Variants in KNL1 observed in about 807,000 individuals in gnomAD.
KNL1 encodes the protein outer kinetochore KNL1 complex subunit KNL1.
Under a neutral mutation model 201.3 loss-of-function variants are expected in KNL1, and 66 were observed. That is an observed-to-expected ratio of 0.33 (90% CI 0.27 to 0.40). KNL1 has a LOEUF of 0.40. Among genes scored for constraint, KNL1 ranks in the 10% least tolerant of loss-of-function variants. The probability of loss-of-function intolerance (pLI) is 1.00; values close to 1 mark genes in which losing one functional copy is unlikely to be tolerated. For synonymous variants in KNL1, 895 were observed against 899.2 expected, an observed-to-expected ratio of 1.00 and a Z score of 0.08; for missense variants, 2,815 against 2,690.5, an observed-to-expected ratio of 1.05 and a Z score of -1.02.
chr15:40,626,884 C>T (rs766540310), intron 10 of KNL1, among the ~76,000 whole-genome samples: 1 of 150,314 alleles, frequency 6.7e-6, no homozygotes, highest in East Asian at 2.0e-4. Context: ...CCCATAATGG[C>T]GTTTATTTAT....
chr15:40,622,042 T>G lies in KNL1; in HGVS notation c.1778T>G (p.Leu593Arg), dbSNP rs752785344. 4.3e-6 allele frequency: 7 copies of G among 1,613,976 alleles called. No homozygotes were observed. In the Admixed American group the frequency reaches 1.2e-4, roughly 27 times the overall value. The change falls in exon 10 of 26, where the codon CTA (leucine) becomes CGA (arginine). Residue 593 changes from leucine to arginine, a missense_variant. Around this residue, in one of 3 missense-constraint regions of KNL1, gnomAD observed 2,464 missense variants for 2,291.7 expected, o/e 1.08. Coordinates refer to ENST00000399668, the MANE Select transcript of KNL1 (RefSeq NM_144508.5). Reference sequence around the variant, plus strand: ...CAGGTTCCTCTTGCAGCTTATAATCTAGCACCGGAGAGTACCAGTGAATCT... The same window carrying G: ...CAGGTTCCTCTTGCAGCTTATAATCGAGCACCGGAGAGTACCAGTGAATCT... ...GSQVPLAAYN[L>R]APESTSESHS...
Position 40,624,956 on chromosome 15 carries a change from G to C in KNL1, c.4692G>C (p.Leu1564Phe). 1.2e-6 allele frequency: 2 copies of C among 1,613,756 alleles called. No individual in the cohort carries two copies. Among genetic ancestry groups the C allele is most frequent in the Non-Finnish European group, 1.7e-6 (2 of 1,179,938 alleles). ...GTATCAAACCAAATCTGAATAATTT[G>C]AATGGAAAAACTGGAGAGTTTTTAG... ...FHSIKPNLNN[L>F]NGKTGEFLAF... The change falls in exon 10 of 26, where the codon TTG (leucine) becomes TTC (phenylalanine). Residue 1564 changes from leucine (L) to phenylalanine (F), a missense_variant. Transcript: ENST00000399668.
chr15:40,622,994 G>A lies in KNL1; in HGVS notation c.2730G>A (p.Arg910=). The change falls in exon 10 of 26, where the codon AGG becomes AGA. Residue 910 remains arginine, a synonymous_variant. Coordinates refer to ENST00000399668, the MANE Select transcript of KNL1 (RefSeq NM_144508.5). The part of the protein sequence containing the change: ...GTSETILYTC[R]QDDMEITRSH... ...CTGAAACTATTTTATATACATGTAG[G>A]CAGGATGACATGGAGATCACTAGAA... The A allele has an allele frequency of 6.2e-7, 1 of 1,613,920 alleles. No individual in the cohort carries two copies. Among genetic ancestry groups the A allele is most frequent in the Non-Finnish European group, 8.5e-7 (1 of 1,179,844 alleles).
At chr15:40,612,543 C>T (rs1265472612) in intron 7 of KNL1, among the ~76,000 whole-genome samples, 1 of 151,746 alleles carries the variant, frequency 6.6e-6, no homozygotes, top group East Asian at 2.0e-4. Context: ...GTTTAGACGG[C>T]ATCTTCCTCT....
intron 21 of KNL1, among the ~76,000 whole-genome samples, chr15:40,652,455 C>CTTTTTTTTTTTTTTTTTTTTTTTT (rs35374662): frequency 8.3e-6 from 1 of 120,066 alleles, no homozygotes. Context: ...GCTGGAGATT[C>CTTTTTTTTTTTTTTTTTTTTTTTT]TTTTTTTTTT....
At chr15:40,602,998 T>C (rs1464585449) in intron 2 of KNL1, 32 bp downstream of exon 2, 14 of 1,400,616 alleles carry the variant, frequency 1.0e-5, no homozygotes, top group Non-Finnish European at 1.4e-5. Context: ...AAAAATATTA[T>C]ATTCTATCAG....
At chr15:40,638,769 A>G (rs1893132993) in intron 13 of KNL1, among the ~76,000 whole-genome samples, 1 of 151,004 alleles carries the variant, frequency 6.6e-6, no homozygotes, top group Non-Finnish European at 1.5e-5. Context: ...TTGGGATTAC[A>G]GGCGTGAGCC....
chr15:40,624,335 T>C lies in KNL1; in HGVS notation c.4071T>C (p.Pro1357=). 2.5e-6 allele frequency: 4 copies of C among 1,613,956 alleles called. No individual in the cohort carries two copies. The highest frequency in any genetic ancestry group is 3.4e-6 in the Non-Finnish European group (4 of 1,179,868). Residue 1357 remains proline, a synonymous_variant, in exon 10 of 26, where the codon CCT becomes CCC. Coordinates refer to ENST00000399668, the MANE Select transcript of KNL1 (RefSeq NM_144508.5). Reference sequence around the variant, plus strand: ...ATTACTTGGAATCTGAGGGACAGCCTCTCTCTGCTCCTTGTCCTTTGTTAG... The same window carrying C: ...ATTACTTGGAATCTGAGGGACAGCCCCTCTCTGCTCCTTGTCCTTTGTTAG... ...SEYYLESEGQ[P]LSAPCPLLEK... is the part of the protein sequence containing the mutation.
At chr15:40,654,028 C>T (rs1401189781) in intron 21 of KNL1, among the ~76,000 whole-genome samples, 1 of 152,168 alleles carries the variant, frequency 6.6e-6, no homozygotes. Flanking sequence ...TTTATTAGTG[C>T]AGTTGTGTGT....
chr15:40,640,142 G>T (rs1893183925), intron 13 of KNL1, among the ~76,000 whole-genome samples: 1 of 145,936 alleles, frequency 6.9e-6, no homozygotes, highest in African/African-American at 2.6e-5. Flanking sequence ...TGTTGCCCAG[G>T]CTGGAGTGCA....
At chr15:40,606,013 A>T (rs1025810597) in intron 3 of KNL1, among the ~76,000 whole-genome samples, 1 of 152,250 alleles carries the variant, frequency 6.6e-6, no homozygotes, top group African/African-American at 2.4e-5. Context: ...TGAAAACAGA[A>T]AAGACTCAGA....
In KNL1 at chr15:40,623,930, A is replaced by G. The variant is rs1047898827; in HGVS notation, c.3666A>G (p.Lys1222=). Residue 1222 remains lysine, a synonymous_variant, in exon 10 of 26, where the codon AAA becomes AAG. Transcript: ENST00000399668. The stretch of plus-strand genomic sequence containing the variant: ...AACAAGCACTGGCTGTAGGAAACAA[A>G]ATAGTTCTTCACACCGAGCAAAAGC... The part of the protein sequence containing the change: ...AEKQALAVGN[K]IVLHTEQKQQ... 1.9e-6 allele frequency: 3 copies of G among 1,613,438 alleles called. No individual in the cohort carries two copies. The highest frequency in any genetic ancestry group is 2.5e-6 in the Non-Finnish European group (3 of 1,179,932).
chr15:40,647,044 A>G lies in KNL1; in HGVS notation c.6064A>G (p.Ile2022Val). Residue 2022 changes from isoleucine to valine, a missense_variant, in exon 17 of 26, where the codon ATC (isoleucine) becomes GTC (valine). Physicochemically the swap from Ile to Val is conservative, Grantham distance 29 (BLOSUM62 3). This residue lies in a region of KNL1 where 334 missense variants were observed against 362.6 expected (regional missense o/e 0.92). Transcript: ENST00000399668. Reference sequence around the variant, plus strand: ...TGAGATGGATAAAATACTTAAGAAGATCGATAACTGCCTCACTGAGATGGA... The same window carrying G: ...TGAGATGGATAAAATACTTAAGAAGGTCGATAACTGCCTCACTGAGATGGA... ...IDEMDKILKKIDNCLTEMETE... is the reference protein window; with the variant it reads ...IDEMDKILKKVDNCLTEMETE... The G allele has an allele frequency of 6.5e-7, 1 of 1,540,982 alleles. No individual in the cohort carries two copies. The highest frequency in any genetic ancestry group is 9.0e-7 in the Non-Finnish European group (1 of 1,114,392).
At chr15:40,604,969 C>T (rs1891926602) in intron 2 of KNL1, 141 bp from the exon 3 acceptor site, 6 of 574,996 alleles carry the variant, frequency 1.0e-5, no homozygotes, top group Non-Finnish European at 1.6e-5. Context: ...AATTTAAAGT[C>T]TTGTATATAA....
intron 4 of KNL1, among the ~76,000 whole-genome samples, chr15:40,607,219 T>C (rs552869852): frequency 6.6e-6 from 1 of 152,350 alleles, no homozygotes; most frequent in Non-Finnish European, 1.5e-5. Context: ...TCATGTCAGA[T>C]GTATAATGTG....
At chr15:40,632,110 G>A (rs973372820) in intron 13 of KNL1, among the ~76,000 whole-genome samples, 3 of 151,684 alleles carry the variant, frequency 2.0e-5, no homozygotes, top group African/African-American at 4.8e-5. Flanking sequence ...AAGCAGCTGC[G>A]CACAGTGGCT....
At chr15:40,605,490 C>T (rs56020318) in intron 3 of KNL1, among the ~76,000 whole-genome samples, 3,037 of 152,244 alleles carry the variant, frequency 0.02, 101 homozygotes, top group African/African-American at 0.07. Flanking sequence ...CTCGCTCTGT[C>T]GCCCAGGCTG....
chr15:40,616,210 A>G (rs1480008024), intron 8 of KNL1, among the ~76,000 whole-genome samples: 2 of 136,520 alleles, frequency 1.5e-5, no homozygotes, highest in African/African-American at 5.6e-5. Context: ...TGCAGCCTCT[A>G]CCTCCCGGGT....
intron 6 of KNL1, 148 bp downstream of exon 6, chr15:40,610,445 C>T (rs1892116289): frequency 1.7e-6 from 1 of 598,974 alleles, no homozygotes; most frequent in Non-Finnish European, 3.0e-6. Context: ...CACCTGTGAT[C>T]CCGACACTTT....
Sources: allele counts gnomAD v4.1 joint callset (sites outside exome capture counted in the v4.1 genomes callset), GRCh38; gene constraint gnomAD v4.1.1; regional missense constraint gnomAD v4.1.1; transcripts MANE v1.5; gene names NCBI Gene and HGNC (gene_info 2026-07-23, HGNC 2026-07-21).